The following CLASP2 variants were observed in gnomAD, a reference collection of about 807,000 sequenced individuals.
CLASP2 encodes cytoplasmic linker associated protein 2, also known as CLIP-associating protein 2.
CLASP2 carries 47 observed loss-of-function variants against 194.4 expected under a neutral mutation model. The observed-to-expected ratio is 0.24, with a 90% confidence interval of 0.19 to 0.31. The LOEUF is 0.31. Ranked by LOEUF, CLASP2 falls within the 10% of genes least tolerant of loss-of-function variation. The pLI is 1.00. For synonymous variants in CLASP2, 619 were observed against 633.5 expected (o/e 0.98, Z 0.34); for missense variants, 1,445 against 1,823.6 (o/e 0.79, Z 3.78).
chr3:33,652,876 C>T (rs987744004), intron 7 of CLASP2, among the ~76,000 whole-genome samples: 1 of 152,186 alleles, frequency 6.6e-6, no homozygotes, highest in African/African-American at 2.4e-5. Context: ...CCACAGAGAT[C>T]GTCTACCAAC....
intron 1 of CLASP2, among the ~76,000 whole-genome samples, chr3:33,708,992 G>A (rs981009254): frequency 1.3e-5 from 2 of 152,102 alleles, no homozygotes; most frequent in African/African-American, 2.4e-5. Flanking sequence ...CATCTCATAC[G>A]TTTTGGATAT....
intron 34 of CLASP2, among the ~76,000 whole-genome samples, chr3:33,524,967 C>A (rs991912075): frequency 3.3e-5 from 5 of 152,206 alleles, no homozygotes; most frequent in Admixed American, 6.5e-5. Flanking sequence ...AAAACAACTA[C>A]ATCCAACAGA....
At chr3:33,600,272 T>C (rs2071698699) in intron 18 of CLASP2, among the ~76,000 whole-genome samples, 1 of 152,024 alleles carries the variant, frequency 6.6e-6, no homozygotes, top group Non-Finnish European at 1.5e-5. Context: ...GGGCCAAGAG[T>C]GGACATTCTC....
chr3:33,550,165 A>G (rs1051110693), intron 30 of CLASP2, among the ~76,000 whole-genome samples: 2 of 152,168 alleles, frequency 1.3e-5, no homozygotes, highest in African/African-American at 4.8e-5. Flanking sequence ...GCATTTTGGG[A>G]GGCTAAGGTG....
intron 6 of CLASP2, among the ~76,000 whole-genome samples, chr3:33,671,875 C>T (rs1012411479): frequency 6.6e-5 from 10 of 152,280 alleles, no homozygotes; most frequent in Admixed American, 1.3e-4. Flanking sequence ...TGCAAGGCGG[C>T]AGCGAGGCTG....
At chr3:33,695,671 G>T (rs142675203) in intron 2 of CLASP2, among the ~76,000 whole-genome samples, 2 of 152,212 alleles carry the variant, frequency 1.3e-5, no homozygotes, top group African/African-American at 4.8e-5. Flanking sequence ...CAGGCATGGT[G>T]GTTCATGCCT....
At chr3:33,610,803 A>C (rs116396105) in intron 13 of CLASP2, among the ~76,000 whole-genome samples, 1 of 152,232 alleles carries the variant, frequency 6.6e-6, no homozygotes, top group Admixed American at 6.5e-5. Context: ...GACCCCTGAC[A>C]TAAGACAGAG....
At chr3:33,634,110 C>T (rs2079637807) in intron 8 of CLASP2, among the ~76,000 whole-genome samples, 1 of 152,178 alleles carries the variant, frequency 6.6e-6, no homozygotes, top group South Asian at 2.1e-4. Flanking sequence ...GAAGAGATCA[C>T]CTAGAAAGGA....
At position 33,516,671 on chromosome 3, in the gene CLASP2, AAAATAAAT is replaced by A. The variant is rs34773367; in HGVS notation, c.3981+302_3981+309del. 3.3e-3 allele frequency among the ~76,000 whole-genome samples: 506 copies of A among 151,540 alleles called. 2 individuals are homozygous for A. The highest frequency in any genetic ancestry group is 0.012 in the African/African-American group (485 of 41,306). On this transcript the variant is annotated intron_variant, in intron 35 of 38. Coordinates refer to ENST00000682230, the MANE Select transcript of CLASP2 (RefSeq NM_001365631.1). ...TTGAGAATGAGTGAGATTATTCCTC[AAAATAAAT>A]AAATAAATAAATAAATAAATAAAAG...
rs117317380 is a variant in CLASP2, at chr3:33,564,751, C to T, written c.2766+1981G>A. On this transcript the variant is annotated intron_variant, in intron 27 of 38. Transcript: ENST00000682230. ...GGCTACAGGCATGCACCATCATGTCCAGTTAATTTTTTTAGTTTTGTAGAG... is the reference window on the plus strand; with the variant it reads ...GGCTACAGGCATGCACCATCATGTCTAGTTAATTTTTTTAGTTTTGTAGAG... Among the ~76,000 whole-genome samples, 56 of 151,986 alleles carry T rather than the reference C, an allele frequency of 3.7e-4. 1 individual carries two copies. The East Asian group carries it at 9.1e-3, about 25-fold the overall frequency.
In CLASP2 at chr3:33,583,955, G is replaced by A. The variant is rs566861195; in HGVS notation, c.2239+795C>T. ...ATAGGCAGATTTTGGGTTCATCATA[G>A]CAATGTTAATTAGTCAATCCTGAAG... On this transcript the variant is annotated intron_variant, in intron 22 of 38. Coordinates refer to ENST00000682230, the MANE Select transcript of CLASP2 (RefSeq NM_001365631.1). 3.8e-4 allele frequency among the ~76,000 whole-genome samples: 58 copies of A among 152,224 alleles called. 1 individual carries two copies. In the South Asian group the frequency reaches 4.8e-3, roughly 13 times the overall value.
At chr3:33,706,107 G>A (rs918253626) in intron 1 of CLASP2, among the ~76,000 whole-genome samples, 2 of 152,048 alleles carry the variant, frequency 1.3e-5, no homozygotes, top group African/African-American at 4.8e-5. Context: ...AAAAAATTAG[G>A]CATGGTGTCA....
At position 33,689,946 on chromosome 3, in the gene CLASP2, G is replaced by A. The variant is rs776853615; in HGVS notation, c.275-14C>T. The A allele has an allele frequency of 1.3e-6, 2 of 1,511,568 alleles. No individual in the cohort carries two copies. The highest frequency in any genetic ancestry group is 2.2e-5 in the Admixed American group (1 of 44,668). 93.6% of individuals were successfully genotyped at this position (1,511,568 alleles called of 1,614,324 possible). A position where few individuals can be genotyped will look rare whatever the true frequency, so the allele number is the denominator to read the frequency against. On this transcript the variant is annotated splice_polypyrimidine_tract_variant and intron_variant, in intron 2 of 38. Coordinates refer to ENST00000682230, the MANE Select transcript of CLASP2 (RefSeq NM_001365631.1). ...AAGCTACAATAACTAAAGAAGGGGA[G>A]GGAGTAAAAGAGTAATTACTTATAA...
intron 8 of CLASP2, among the ~76,000 whole-genome samples, chr3:33,633,412 G>C (rs759097191): frequency 1.3e-5 from 2 of 152,170 alleles, no homozygotes; most frequent in African/African-American, 4.8e-5. Flanking sequence ...CGACTCCCCA[G>C]TGTTAAGCAG....
intron 27 of CLASP2, chr3:33,564,059 C>A (rs954162294): frequency 2.6e-6 from 1 of 389,328 alleles, no homozygotes; most frequent in East Asian, 7.4e-5. Flanking sequence ...CACAGAGGGG[C>A]AAACTATTTA....
chr3:33,659,454 T>C, intron 7 of CLASP2: 1 of 968,460 alleles, frequency 1.0e-6, no homozygotes, highest in Non-Finnish European at 1.2e-6. Flanking sequence ...CATGATCTGA[T>C]GGATTAACTG....
At chr3:33,671,599 T>A (rs899538329) in intron 6 of CLASP2, among the ~76,000 whole-genome samples, 1 of 152,132 alleles carries the variant, frequency 6.6e-6, no homozygotes, top group Non-Finnish European at 1.5e-5. Flanking sequence ...CGCAGGTCAG[T>A]GGGTACAGCG....
chr3:33,644,842 GGCTGAT>G lies in CLASP2; in HGVS notation c.771_776del (p.Ser258_Ala259del). ...ATGTTTTAGGTGCAGGAACCTTGAAGGCTGATGCAGCTGATGATGGCCTATTTCCAT... is the reference window on the plus strand; with the variant it reads ...ATGTTTTAGGTGCAGGAACCTTGAAGGCAGCTGATGATGGCCTATTTCCAT... On this transcript the variant is annotated inframe_deletion, in exon 8 of 39. Transcript: ENST00000682230. 9 of 1,611,256 alleles carry G rather than the reference GGCTGAT, an allele frequency of 5.6e-6. No individual in the cohort carries two copies. The highest frequency in any genetic ancestry group is 7.6e-6 in the Non-Finnish European group (9 of 1,178,612).
At chr3:33,526,480 G>C (rs1302706892) in intron 34 of CLASP2, among the ~76,000 whole-genome samples, 1 of 151,754 alleles carries the variant, frequency 6.6e-6, no homozygotes, top group African/African-American at 2.4e-5. Flanking sequence ...GATTCATAAA[G>C]CAAGTTCTTA....
Sources: gnomAD v4.1 joint callset for allele counts (sites outside exome capture counted in the v4.1 genomes callset) on GRCh38, gnomAD v4.1.1 for gene constraint, MANE v1.5 for transcripts, NCBI Gene and HGNC (gene_info 2026-07-23, HGNC 2026-07-21) for gene names.